ARHGAP44: variants seen among roughly 807,000 people sequenced by gnomAD.
ARHGAP44 encodes the protein Rho GTPase activating protein 44.
A neutral mutation model predicts 106.8 loss-of-function variants in ARHGAP44; 43 were observed. The ratio of observed to expected loss-of-function variants is 0.40; its 90% confidence interval spans 0.32 to 0.52. The LOEUF (loss-of-function observed/expected upper bound fraction) is 0.52. ARHGAP44 is among the 20% of genes least tolerant of loss of function. ARHGAP44 has a pLI of 0.48. For synonymous variants in ARHGAP44, 439 were observed against 410.3 expected, an observed-to-expected ratio of 1.07 and a Z score of -0.85; for missense variants, 866 against 1,050.5, an observed-to-expected ratio of 0.82 and a Z score of 2.43.
At chr17:12,934,794 A>G (rs530845065) in intron 7 of ARHGAP44, among the ~76,000 whole-genome samples, 17 of 152,350 alleles carry the variant, frequency 1.1e-4, no homozygotes, top group East Asian at 5.8e-4. Context: ...ACTATGAACT[A>G]TGGAAGACAA....
At chr17:12,906,724 G>T (rs902663465) in intron 3 of ARHGAP44, among the ~76,000 whole-genome samples, 2 of 151,996 alleles carry the variant, frequency 1.3e-5, no homozygotes, top group Non-Finnish European at 2.9e-5. Context: ...TGCTTGAGCC[G>T]AGGAGTTCAA....
intron 1 of ARHGAP44, among the ~76,000 whole-genome samples, chr17:12,841,699 C>T (rs1017736117): frequency 1.3e-5 from 2 of 151,824 alleles, no homozygotes; most frequent in Non-Finnish European, 2.9e-5. Flanking sequence ...GCAGGGGCTC[C>T]ATTCTTACTT....
At chr17:12,982,537 G>A (rs1031622922) in intron 19 of ARHGAP44, 3 of 152,134 alleles carry the variant, frequency 2.0e-5, no homozygotes, top group South Asian at 4.1e-4. Context: ...CCATGACCAC[G>A]TGGCTGCCAT....
chr17:12,926,498 TGTA>T (rs2038248918), intron 6 of ARHGAP44, among the ~76,000 whole-genome samples: 1 of 143,942 alleles, frequency 6.9e-6, no homozygotes, highest in Non-Finnish European at 1.5e-5. Flanking sequence ...GTATAATATA[TGTA>T]TATATATTAT....
intron 1 of ARHGAP44, among the ~76,000 whole-genome samples, chr17:12,793,270 A>G (rs142179539): frequency 1.4e-4 from 22 of 152,352 alleles, no homozygotes; most frequent in African/African-American, 4.1e-4. Context: ...AGCTACAAGT[A>G]TCTCTGGGCA....
chr17:12,902,101 C>T (rs966324797), intron 3 of ARHGAP44, among the ~76,000 whole-genome samples: 10 of 152,274 alleles, frequency 6.6e-5, no homozygotes, highest in East Asian at 1.9e-4. Flanking sequence ...AATCCTGCTC[C>T]GGGATTCCCT....
intron 20 of ARHGAP44, chr17:12,987,175 C>T: frequency 1.3e-6 from 2 of 1,527,914 alleles, no homozygotes; most frequent in South Asian, 2.4e-5. Flanking sequence ...CGGCCTCGCC[C>T]CTCCACCCCG....
chr17:12,931,226 C>T (rs1267536834), intron 7 of ARHGAP44, among the ~76,000 whole-genome samples: 3 of 151,932 alleles, frequency 2.0e-5, no homozygotes, highest in African/African-American at 7.3e-5. Context: ...CGCATGCCAC[C>T]ACTCCTGGCT....
chr17:12,884,670 A>G lies in ARHGAP44; in HGVS notation c.54-10270A>G, dbSNP rs140961687. Among the ~76,000 whole-genome samples, 20 of 152,278 alleles carry G rather than the reference A, an allele frequency of 1.3e-4. No homozygotes were observed. In the East Asian group the frequency reaches 3.9e-3, roughly 29 times the overall value. On this transcript the variant is annotated intron_variant, in intron 1 of 20. Transcript: ENST00000379672. ...TTCTGTTACCTCAAAAAGTTCCCTC[A>G]TGCGGCATCTTTGCAGTCAAACCTT... is the stretch of plus-strand genomic sequence containing the variant.
At chr17:12,815,042 C>T (rs559786951) in intron 1 of ARHGAP44, among the ~76,000 whole-genome samples, 132 of 152,204 alleles carry the variant, frequency 8.7e-4, no homozygotes, top group African/African-American at 2.6e-3. Context: ...TTTCCTTGAA[C>T]CTCCCCCACC....
chr17:12,885,101 A>G (rs1024114105), intron 1 of ARHGAP44, among the ~76,000 whole-genome samples: 3 of 152,030 alleles, frequency 2.0e-5, no homozygotes, highest in Admixed American at 1.3e-4. Context: ...GGGTTTCACC[A>G]TATTGGCCAG....
At chr17:12,918,888 C>T (rs536271504) in intron 5 of ARHGAP44, among the ~76,000 whole-genome samples, 16 of 152,238 alleles carry the variant, frequency 1.1e-4, no homozygotes, top group South Asian at 2.1e-4. Flanking sequence ...CCTGCATGAG[C>T]AGAGAAGCAC....
intron 4 of ARHGAP44, among the ~76,000 whole-genome samples, chr17:12,911,062 A>C (rs1052589221): frequency 2.6e-5 from 4 of 151,730 alleles, no homozygotes; most frequent in African/African-American, 9.7e-5. Flanking sequence ...AAAAAAAAAA[A>C]AACCACATAA....
intron 16 of ARHGAP44, among the ~76,000 whole-genome samples, chr17:12,969,477 T>G (rs60877481): frequency 4.6e-5 from 7 of 152,154 alleles, no homozygotes; most frequent in Admixed American, 4.6e-4. Flanking sequence ...AAAGGATGAT[T>G]CGAGGATAAT....
intron 1 of ARHGAP44, among the ~76,000 whole-genome samples, chr17:12,791,369 A>G (rs1407780425): frequency 6.6e-6 from 1 of 152,116 alleles, no homozygotes; most frequent in Non-Finnish European, 1.5e-5. Flanking sequence ...TTCGTTGTTT[A>G]GCAGATGACA....
At chr17:12,820,358 G>C (rs988699747) in intron 1 of ARHGAP44, among the ~76,000 whole-genome samples, 10 of 151,716 alleles carry the variant, frequency 6.6e-5, no homozygotes, top group Admixed American at 5.9e-4. Flanking sequence ...TAACTACTCA[G>C]GATTTAATAA....
chr17:12,851,578 G>A (rs1161098847), intron 1 of ARHGAP44, among the ~76,000 whole-genome samples: 1 of 152,186 alleles, frequency 6.6e-6, no homozygotes, highest in Non-Finnish European at 1.5e-5. Context: ...GGGATTACAG[G>A]CATGCGCCAC....
chr17:12,888,711 A>G (rs905985472), intron 1 of ARHGAP44, among the ~76,000 whole-genome samples: 1 of 152,018 alleles, frequency 6.6e-6, no homozygotes, highest in Non-Finnish European at 1.5e-5. Context: ...ATAGTTGTGT[A>G]TTTGTCTATT....
At position 12,944,054 on chromosome 17, in the gene ARHGAP44, C is replaced by T; in HGVS notation, c.734-15C>T. 1.3e-6 allele frequency: 2 copies of T among 1,583,590 alleles called. No homozygotes were observed. The highest frequency in any genetic ancestry group is 1.7e-6 in the Non-Finnish European group (2 of 1,161,016). On this transcript the variant is annotated splice_polypyrimidine_tract_variant and intron_variant, in intron 9 of 20. Coordinates refer to ENST00000379672, the MANE Select transcript of ARHGAP44 (RefSeq NM_014859.6). ...GGCGAACAGCTGACTGACTCTTTCT[C>T]ACTCCTCCCCTCAGAGGCCTGGGTA... is the stretch of plus-strand genomic sequence containing the variant.
Sources: allele counts gnomAD v4.1 joint callset (sites outside exome capture counted in the v4.1 genomes callset), GRCh38; gene constraint gnomAD v4.1.1; transcripts MANE v1.5; gene names NCBI Gene and HGNC (gene_info 2026-07-23, HGNC 2026-07-21).